Variants in SLC35B4 observed in about 807,000 individuals in gnomAD.
The protein encoded by SLC35B4 is solute carrier family 35 member B4, also known as nucleotide sugar transporter SLC35B4.
In SLC35B4, 28 loss-of-function variants were observed where a neutral mutation model predicts 39.5. That is an observed-to-expected ratio of 0.71 (90% CI 0.53 to 0.97). SLC35B4 has a LOEUF of 0.97. Ranked by LOEUF, SLC35B4 falls within the 50% of genes least tolerant of loss-of-function variation. The pLI is 0.00. For synonymous variants in SLC35B4, 145 were observed against 150.4 expected (o/e 0.96, Z 0.26); for missense variants, 334 against 414.3 (o/e 0.81, Z 1.68).
intron 8 of SLC35B4, among the ~76,000 whole-genome samples, chr7:134,298,365 T>C (rs1005430507): frequency 1.3e-5 from 2 of 152,212 alleles, no homozygotes; most frequent in Non-Finnish European, 2.9e-5. Context: ...TTAGCTCTCT[T>C]GGAAAATTCA....
rs1031865939 is a variant in SLC35B4 at position 134,296,879 on chromosome 7, T to A, written c.674-413A>T. On this transcript the variant is annotated intron_variant, in intron 8 of 9. Transcript: ENST00000378509. ...AGTAATTACAGAATTCCAAAGTAAATAAGACTGTACCATTTTATAGCTACA... is the reference window on the plus strand; with the variant it reads ...AGTAATTACAGAATTCCAAAGTAAAAAAGACTGTACCATTTTATAGCTACA... Among the ~76,000 whole-genome samples the A allele has an allele frequency of 5.9e-5, 9 of 152,222 alleles. No homozygotes were observed. In the East Asian group the frequency reaches 7.7e-4, roughly 13 times the overall value.
rs529825529 is a variant in SLC35B4, at chr7:134,308,649, C to T, written c.191+717G>A. ...CTTGGATATATTCACACCAGAATGTCGCTCTAAACGGGAGTAAGTGACATC... is the reference window on the plus strand; with the variant it reads ...CTTGGATATATTCACACCAGAATGTTGCTCTAAACGGGAGTAAGTGACATC... On this transcript the variant is annotated intron_variant, in intron 2 of 9. Coordinates refer to ENST00000378509, the MANE Select transcript of SLC35B4 (RefSeq NM_032826.5). 5.3e-5 allele frequency among the ~76,000 whole-genome samples: 8 copies of T among 152,274 alleles called. No homozygotes were observed. In the South Asian group the frequency reaches 1.7e-3, roughly 32 times the overall value.
In SLC35B4 at chr7:134,293,444, A is replaced by T. The variant is rs1803379006; in HGVS notation, c.*1389T>A. ...CATGTTTCCACACACAATAAAGCACATCCAACCATCCTCAATACCCATCGA... is the reference window on the plus strand; with the variant it reads ...CATGTTTCCACACACAATAAAGCACTTCCAACCATCCTCAATACCCATCGA... On this transcript the variant is annotated 3_prime_UTR_variant, in exon 10 of 10. Coordinates refer to ENST00000378509, the MANE Select transcript of SLC35B4 (RefSeq NM_032826.5). 1 of 152,244 alleles carries T rather than the reference A, an allele frequency of 6.6e-6. No homozygotes were observed. Among genetic ancestry groups the T allele is most frequent in the Non-Finnish European group, 1.5e-5 (1 of 68,048 alleles). The allele number at this position is 152,244 out of a possible 1,614,324, so 9.4% of individuals were successfully genotyped here. A position where few individuals can be genotyped will look rare whatever the true frequency, so the allele number is the denominator to read the frequency against.
rs1214746781 is a variant in SLC35B4 at position 134,294,738 on chromosome 7, C to A, written c.*95G>T. On this transcript the variant is annotated 3_prime_UTR_variant, in exon 10 of 10. Transcript: ENST00000378509. Reference sequence around the variant, plus strand: ...CTTTTGCACGGCTGGCTCAGCACTGCGGGTAGCTCGGCATTAACAAAAGCG... The same window carrying A: ...CTTTTGCACGGCTGGCTCAGCACTGAGGGTAGCTCGGCATTAACAAAAGCG... 36 of 1,502,910 alleles carry A rather than the reference C, an allele frequency of 2.4e-5. 1 individual carries two copies. The South Asian group carries it at 4.1e-4, about 17-fold the overall frequency. 93.1% of individuals were successfully genotyped at this position (1,502,910 alleles called of 1,614,324 possible). A position where few individuals can be genotyped will look rare whatever the true frequency, so the allele number is the denominator to read the frequency against.
chr7:134,317,490 T>A (rs1022931130), upstream of SLC35B4, among the ~76,000 whole-genome samples: 1 of 152,184 alleles, frequency 6.6e-6, no homozygotes, highest in Non-Finnish European at 1.5e-5. Context: ...GGTGCAGCCT[T>A]AAAGGTGATC....
chr7:134,305,820 G>A (rs1228420537), intron 3 of SLC35B4, among the ~76,000 whole-genome samples: 1 of 152,046 alleles, frequency 6.6e-6, no homozygotes, highest in African/African-American at 2.4e-5. Context: ...ACAGGCGTGT[G>A]CCACCACGCC....
At position 134,309,078 on chromosome 7, in the gene SLC35B4, T is replaced by C. The variant is rs1803775149; in HGVS notation, c.191+288A>G. 3.3e-5 allele frequency among the ~76,000 whole-genome samples: 5 copies of C among 152,326 alleles called. No homozygotes were observed. In the South Asian group the frequency reaches 1.0e-3, roughly 32 times the overall value. ...CCAACACAGAAGACAGCACAAAATT[T>C]GTGGTCACACTAGGCCTTCTGACTA... On this transcript the variant is annotated intron_variant, in intron 2 of 9. Transcript: ENST00000378509.
upstream of SLC35B4, among the ~76,000 whole-genome samples, chr7:134,319,166 T>C (rs1804058490): frequency 6.6e-6 from 1 of 152,222 alleles, no homozygotes; most frequent in Non-Finnish European, 1.5e-5. Context: ...TCCCTCATTT[T>C]ACCATCAACT....
At chr7:134,299,233 T>C (rs1803527799) in intron 8 of SLC35B4, 1 of 327,772 alleles carries the variant, frequency 3.1e-6, no homozygotes, top group African/African-American at 2.2e-5. Context: ...GCTGTAAGTA[T>C]TCATTTGCAT....
chr7:134,320,082 A>G (rs1804068760), upstream of SLC35B4, among the ~76,000 whole-genome samples: 1 of 152,214 alleles, frequency 6.6e-6, no homozygotes, highest in Non-Finnish European at 1.5e-5. Context: ...GTACGACATA[A>G]CAAACCACCC....
At chr7:134,299,241 C>T in intron 8 of SLC35B4, 1 of 340,000 alleles carries the variant, frequency 2.9e-6, no homozygotes, top group Non-Finnish European at 5.5e-6. Context: ...TATTCATTTG[C>T]ATTCTCAAAA....
In SLC35B4 at chr7:134,291,204, C is replaced by T. The variant is rs1231811588; in HGVS notation, c.*3629G>A. On this transcript the variant is annotated 3_prime_UTR_variant, in exon 10 of 10. Transcript: ENST00000378509. ...GTAACAGAATAAACAAACATTTCTA[C>T]ATTAACCCTTCACATTCATCGTCAT... is the stretch of plus-strand genomic sequence containing the variant. 1 of 152,196 alleles carries T rather than the reference C, an allele frequency of 6.6e-6. No individual in the cohort carries two copies. The highest frequency in any genetic ancestry group is 1.5e-5 in the Non-Finnish European group (1 of 68,038). 9.4% of individuals were successfully genotyped at this position (152,196 alleles called of 1,614,324 possible).
upstream of SLC35B4, chr7:134,317,083 C>G (rs913422438): frequency 3.6e-6 from 1 of 275,764 alleles, no homozygotes; most frequent in Non-Finnish European, 6.9e-6. Flanking sequence ...GACAGGGGGA[C>G]GAGGTGCCCG....
chr7:134,309,076 T>C (rs1256579391), intron 2 of SLC35B4, among the ~76,000 whole-genome samples: 1 of 152,164 alleles, frequency 6.6e-6, no homozygotes, highest in Admixed American at 6.5e-5. Context: ...CAGCACAAAA[T>C]TTGTGGTCAC....
chr7:134,304,023 C>T (rs1803651703), intron 4 of SLC35B4, among the ~76,000 whole-genome samples: 1 of 152,070 alleles, frequency 6.6e-6, no homozygotes, highest in South Asian at 2.1e-4. Flanking sequence ...TTAATATGTA[C>T]AACCATTCCT....
intron 1 of SLC35B4, among the ~76,000 whole-genome samples, chr7:134,311,284 A>G (rs2117316298): frequency 6.6e-6 from 1 of 152,342 alleles, no homozygotes; most frequent in East Asian, 1.9e-4. Context: ...GAGTGACAGA[A>G]GGAACTTTAA....
intron 4 of SLC35B4, among the ~76,000 whole-genome samples, chr7:134,303,183 A>G (rs556997433): frequency 1.3e-5 from 2 of 152,316 alleles, no homozygotes; most frequent in East Asian, 1.9e-4. Context: ...TTCCTGCTCA[A>G]TGGGAAAGAG....
intron 9 of SLC35B4, among the ~76,000 whole-genome samples, chr7:134,295,933 G>A (rs1341540227): frequency 2.0e-5 from 3 of 152,260 alleles, no homozygotes; most frequent in Middle Eastern, 3.4e-3. Context: ...GGGTTCAAGC[G>A]ATTCTCCTGC....
At chr7:134,316,942 C>A, upstream of SLC35B4, 1 of 597,984 alleles carries the variant, frequency 1.7e-6, no homozygotes, top group Non-Finnish European at 2.9e-6. Context: ...AGCTGTAGTT[C>A]GCAGTCAGCT....
Sources: gnomAD v4.1 joint callset for allele counts (sites outside exome capture counted in the v4.1 genomes callset) on GRCh38, gnomAD v4.1.1 for gene constraint, MANE v1.5 for transcripts, NCBI Gene and HGNC (gene_info 2026-07-23, HGNC 2026-07-21) for gene names.